LRBA: variants seen among roughly 807,000 people sequenced by gnomAD.
LRBA encodes LPS responsive beige-like anchor protein.
LRBA carries 176 observed loss-of-function variants against 330.0 expected under a neutral mutation model. The ratio of observed to expected loss-of-function variants is 0.53; its 90% CI spans 0.47 to 0.60. The LOEUF is 0.60. Ranked by LOEUF, LRBA falls within the 20% of genes least tolerant of loss-of-function variation. The pLI is 0.00. For missense variants in LRBA, 3,259 were observed against 3,444.8 expected (o/e 0.95, Z 1.35); for synonymous variants, 1,230 against 1,193.0 (o/e 1.03, Z -0.64).
chr4:150,350,569 A>AAG (rs1023600757), intron 47 of LRBA, among the ~76,000 whole-genome samples: 1 of 149,338 alleles, frequency 6.7e-6, no homozygotes, highest in African/African-American at 2.5e-5. Flanking sequence ...CTCCATCTCA[A>AAG]AAAAAAAAAA....
chr4:150,783,534 T>C (rs1222716175), intron 34 of LRBA, among the ~76,000 whole-genome samples: 1 of 152,238 alleles, frequency 6.6e-6, no homozygotes, highest in Non-Finnish European at 1.5e-5. Context: ...AAGGCAGTAC[T>C]GATGTTTCAA....
At chr4:150,843,661 T>G (rs546246326) in intron 28 of LRBA, among the ~76,000 whole-genome samples, 4 of 152,222 alleles carry the variant, frequency 2.6e-5, no homozygotes, top group African/African-American at 9.6e-5. Flanking sequence ...GAACATTTTA[T>G]TACATTCAGA....
intron 17 of LRBA, among the ~76,000 whole-genome samples, chr4:150,889,707 CA>C (rs1210873531): frequency 6.6e-6 from 1 of 152,154 alleles, no homozygotes; most frequent in Non-Finnish European, 1.5e-5. Flanking sequence ...CTGTCTTCCA[CA>C]AAACCAGTCC....
intron 37 of LRBA, among the ~76,000 whole-genome samples, chr4:150,608,275 T>C (rs1306922383): frequency 6.6e-6 from 1 of 152,168 alleles, no homozygotes; most frequent in African/African-American, 2.4e-5. Flanking sequence ...AGCATTCATT[T>C]AACAAAAATG....
intron 36 of LRBA, among the ~76,000 whole-genome samples, chr4:150,690,501 CAAAA>C (rs70941425): frequency 4.0e-5 from 5 of 123,794 alleles, no homozygotes; most frequent in Non-Finnish European, 5.2e-5. Flanking sequence ...GACTCCATCT[CAAAA>C]AAAAAAAAAA....
chr4:150,944,758 T>C (rs1736060970), intron 2 of LRBA, among the ~76,000 whole-genome samples: 2 of 152,326 alleles, frequency 1.3e-5, no homozygotes, highest in Admixed American at 6.5e-5. Flanking sequence ...TGAATACTGG[T>C]GATATGGTTT....
At chr4:150,750,808 A>G (rs1042637727) in intron 35 of LRBA, among the ~76,000 whole-genome samples, 1 of 151,316 alleles carries the variant, frequency 6.6e-6, no homozygotes, top group Admixed American at 6.6e-5. Context: ...AATATCTTAT[A>G]AACATTCTAT....
intron 2 of LRBA, among the ~76,000 whole-genome samples, chr4:150,932,819 G>A (rs1426025320): frequency 6.6e-6 from 1 of 151,956 alleles, no homozygotes; most frequent in Non-Finnish European, 1.5e-5. Flanking sequence ...GGGAGGCTGA[G>A]ACACAAGAAT....
rs1560876369 is a variant in LRBA at position 150,828,251 on chromosome 4, CAGA to C, written c.5097_5099del (p.Leu1700del). 1 of 1,614,092 alleles carries C rather than the reference CAGA, an allele frequency of 6.2e-7. No homozygotes were observed. The highest frequency in any genetic ancestry group is 1.7e-5 in the Admixed American group (1 of 59,996). Reference sequence around the variant, plus strand: ...CAAGGGCTCCAAGGCAGGCTGGTGGCAGAAGGGCAGGATCCACTGTGACTCCAT... The same window carrying C: ...CAAGGGCTCCAAGGCAGGCTGGTGGCAGGGCAGGATCCACTGTGACTCCAT... On this transcript the variant is annotated inframe_deletion, in exon 30 of 57. Coordinates refer to ENST00000651943, the MANE Select transcript of LRBA (RefSeq NM_001364905.1).
chr4:150,782,581 CTCTG>C (rs1267173317), intron 34 of LRBA, among the ~76,000 whole-genome samples: 1 of 152,202 alleles, frequency 6.6e-6, no homozygotes, highest in Non-Finnish European at 1.5e-5. Context: ...TCCTCCATTT[CTCTG>C]TCTGTAGCCT....
chr4:150,423,546 TA>T (rs1251720469), intron 46 of LRBA: 1 of 419,336 alleles, frequency 2.4e-6, no homozygotes, highest in East Asian at 5.9e-5. Context: ...GCTGGTGGGC[TA>T]TACTTCTTAC....
chr4:150,281,824 T>C (rs1246501304), intron 55 of LRBA, among the ~76,000 whole-genome samples: 1 of 152,200 alleles, frequency 6.6e-6, no homozygotes, highest in Admixed American at 6.5e-5. Flanking sequence ...TTTCTCAATG[T>C]CTAATACTTG....
intron 47 of LRBA, among the ~76,000 whole-genome samples, chr4:150,358,613 T>C (rs1474936924): frequency 1.3e-5 from 2 of 152,138 alleles, no homozygotes; most frequent in African/African-American, 4.8e-5. Context: ...GATAAACTAG[T>C]TATAAACATA....
chr4:150,501,791 C>T (rs1364222161), intron 40 of LRBA, among the ~76,000 whole-genome samples: 1 of 152,002 alleles, frequency 6.6e-6, no homozygotes, highest in East Asian at 1.9e-4. Context: ...TTTATCCTAC[C>T]TAAACAATAT....
chr4:150,912,546 A>G (rs1488174592), intron 9 of LRBA, among the ~76,000 whole-genome samples: 2 of 152,216 alleles, frequency 1.3e-5, no homozygotes, highest in Non-Finnish European at 2.9e-5. Flanking sequence ...CAATGTAATA[A>G]TAACAGAAAT....
Position 150,282,796 on chromosome 4 carries a change from T to G in LRBA, c.8120-150A>C, listed in dbSNP as rs191870253. ...ACTTCCATCTTACGTGTAAGTTATT[T>G]TGCAAAATCTCCTCTTCATGTTTGC... On this transcript the variant is annotated intron_variant, in intron 54 of 56. Coordinates refer to ENST00000651943, the MANE Select transcript of LRBA (RefSeq NM_001364905.1). The G allele has an allele frequency of 1.4e-4, 84 of 593,836 alleles. No homozygotes were observed. In the East Asian group the frequency reaches 2.3e-3, roughly 17 times the overall value. The allele number at this position is 593,836 out of a possible 1,614,324, so 36.8% of individuals were successfully genotyped here. A position where few individuals can be genotyped will look rare whatever the true frequency, so the allele number is the denominator to read the frequency against.
chr4:150,693,088 T>C (rs928119006), intron 36 of LRBA, among the ~76,000 whole-genome samples: 3 of 152,180 alleles, frequency 2.0e-5, no homozygotes, highest in African/African-American at 7.2e-5. Context: ...ATAATCCAAT[T>C]ACCTATCAAC....
intron 2 of LRBA, among the ~76,000 whole-genome samples, chr4:151,002,345 T>A (rs557295525): frequency 1.1e-3 from 168 of 151,454 alleles, no homozygotes; most frequent in Non-Finnish European, 1.7e-3. Flanking sequence ...GGCAGATGGA[T>A]CACCTGAGGT....
chr4:150,303,701 G>A (rs964683410), intron 52 of LRBA, among the ~76,000 whole-genome samples: 36 of 152,112 alleles, frequency 2.4e-4, no homozygotes, highest in African/African-American at 7.0e-4. Context: ...CTCCCAGGTA[G>A]CTGGGACTAC....
Sources: gnomAD v4.1 joint callset for allele counts (sites outside exome capture counted in the v4.1 genomes callset) on GRCh38, gnomAD v4.1.1 for gene constraint, MANE v1.5 for transcripts, NCBI Gene and HGNC (gene_info 2026-07-23, HGNC 2026-07-21) for gene names.